COL9A1: variants seen among roughly 807,000 people sequenced by gnomAD.
The protein encoded by COL9A1 is collagen type IX alpha 1 chain.
In COL9A1, 104 loss-of-function variants were observed where a neutral mutation model predicts 142.6. That is an observed-to-expected ratio of 0.73 (90% CI 0.62 to 0.86). The LOEUF (loss-of-function observed/expected upper bound fraction) is 0.86, where lower values mean the gene tolerates loss of function less well. COL9A1 is among the 40% of genes least tolerant of loss of function. The pLI, the probability that COL9A1 is intolerant of heterozygous loss-of-function variation, is 0.00. For synonymous variants in COL9A1, 466 were observed against 396.0 expected, an observed-to-expected ratio of 1.18 and a Z score of -2.10; for missense variants, 1,210 against 1,176.6, an observed-to-expected ratio of 1.03 and a Z score of -0.42.
chr6:70,260,841 T>C (rs1019167214), intron 19 of COL9A1, 131 bp from the exon 20 acceptor site: 1 of 749,546 alleles, frequency 1.3e-6, no homozygotes, highest in African/African-American at 1.8e-5. Flanking sequence ...AGTAACTATA[T>C]ATATATAGAC....
chr6:70,300,340 T>C lies in COL9A1; in HGVS notation c.135A>G (p.Pro45=), dbSNP rs750588718. ...AGTCATCTTGGCCAATCCTGATCTTTGGACAGAGTTCATTTCCACCATTAG... is the reference window on the plus strand; with the variant it reads ...AGTCATCTTGGCCAATCCTGATCTTCGGACAGAGTTCATTTCCACCATTAG... The part of the protein sequence containing the change: ...SNSNGGNELC[P]KIRIGQDDLP... Residue 45 remains proline, a synonymous_variant, in exon 3 of 38, where the codon CCA becomes CCG. Coordinates refer to ENST00000357250, the MANE Select transcript of COL9A1 (RefSeq NM_001851.6). 3 of 1,613,828 alleles carry C rather than the reference T, an allele frequency of 1.9e-6. No individual in the cohort carries two copies. The Admixed American group carries it at 5.0e-5, about 27-fold the overall frequency.
At chr6:70,269,031 A>G (rs1251995154) in intron 16 of COL9A1, among the ~76,000 whole-genome samples, 171 bp from the exon 17 acceptor site, 2 of 152,190 alleles carry the variant, frequency 1.3e-5, no homozygotes, top group African/African-American at 4.8e-5. Flanking sequence ...TTATTATTTC[A>G]CATTTAAAGC....
rs1010786788 is a variant in COL9A1 at position 70,274,971 on chromosome 6, T to C, written c.976-199A>G. On this transcript the variant is annotated intron_variant, in intron 10 of 37. Transcript: ENST00000357250. ...AAGATCTGCCTGTTGTGATTATTTC[T>C]TCTTGATAAGTTGTATCATACTCCT... The C allele has an allele frequency of 3.1e-5, 18 of 582,260 alleles. No homozygotes were observed. In the South Asian group the frequency reaches 3.3e-4, roughly 11 times the overall value. The allele number at this position is 582,260 out of a possible 1,614,324, so 36.1% of individuals were successfully genotyped here. A position where few individuals can be genotyped will look rare whatever the true frequency, so the allele number is the denominator to read the frequency against.
Position 70,217,034 on chromosome 6 carries a change from G to A in COL9A1, c.2629C>T (p.Arg877Ter), listed in dbSNP as rs758388716. The A allele has an allele frequency of 1.9e-6, 3 of 1,613,998 alleles. No individual in the cohort carries two copies. The highest frequency in any genetic ancestry group is 2.5e-6 in the Non-Finnish European group (3 of 1,180,020). ...SYGRNGRDGE[R>*]GPPGVAGIPG... ...ATTCCTGCCACCCCTGGGGGGCCTC[G>A]CTCACCGTCTCGGCCATTTCTGCCA... The change falls in exon 38 of 38, where the codon CGA becomes TGA. Residue 877 changes from arginine to a stop codon, truncating the protein, a stop_gained. Transcript: ENST00000357250. LOFTEE classifies it high-confidence loss of function.
intron 20 of COL9A1, among the ~76,000 whole-genome samples, chr6:70,257,552 A>T (rs2127578876): frequency 6.6e-6 from 1 of 152,304 alleles, no homozygotes; most frequent in South Asian, 2.1e-4. Flanking sequence ...AGTTCCAGAC[A>T]GCCTGGCCAA....
rs1773110003 is a variant in COL9A1 at position 70,280,853 on chromosome 6, T to C, written c.934A>G (p.Lys312Glu). 1.9e-6 allele frequency: 3 copies of C among 1,613,492 alleles called. No individual in the cohort carries two copies. The East Asian group carries it at 6.7e-5, about 36-fold the overall frequency. Residue 312 changes from lysine to glutamate, a missense_variant, in exon 10 of 38, where the codon AAG (lysine) becomes GAG (glutamate). Physicochemically the swap from Lys to Glu is moderately conservative, Grantham distance 56. Transcript: ENST00000357250. The part of the protein sequence containing the change: ...GPPGPAGEPG[K>E]PGAPGKPGTP... ...CCAGGCTTGCCTGGAGCTCCTGGCT[T>C]TCCCGGTTCACCTGCAGGACCCTGA...
chr6:70,276,633 T>A (rs1258968776), intron 10 of COL9A1, among the ~76,000 whole-genome samples: 1 of 152,178 alleles, frequency 6.6e-6, no homozygotes, highest in Non-Finnish European at 1.5e-5. Flanking sequence ...ATGAAATAAC[T>A]ATGCAGAAAA....
At chr6:70,283,235 G>T in intron 6 of COL9A1, 1 of 1,452,662 alleles carries the variant, frequency 6.9e-7, no homozygotes, top group Non-Finnish European at 9.0e-7. Context: ...AATGGCCCCG[G>T]AGAGGGTCCT....
chr6:70,222,197 AG>A (rs1402849331), intron 37 of COL9A1, among the ~76,000 whole-genome samples: 1 of 152,224 alleles, frequency 6.6e-6, no homozygotes, highest in East Asian at 1.9e-4. Context: ...CAATAATAAC[AG>A]TTAAATTTCA....
rs901341298 is a variant in COL9A1 at position 70,288,725 on chromosome 6, G to C, written c.697-4905C>G. On this transcript the variant is annotated intron_variant, in intron 5 of 37. Transcript: ENST00000357250. ...GGAATCCTCCTCCCCCAGATATCCA[G>C]ATGCTAATTCTCTCAACTTCTTCAG... 3.9e-5 allele frequency among the ~76,000 whole-genome samples: 6 copies of C among 152,064 alleles called. No individual in the cohort carries two copies. In the East Asian group the frequency reaches 1.2e-3, roughly 29 times the overall value.
At chr6:70,272,976 C>T (rs1363072401) in intron 12 of COL9A1, among the ~76,000 whole-genome samples, 2 of 152,086 alleles carry the variant, frequency 1.3e-5, no homozygotes, top group Non-Finnish European at 2.9e-5. Flanking sequence ...TTTTTATTCA[C>T]AGCTGTCTGT....
Position 70,271,651 on chromosome 6 carries a change from T to G in COL9A1, c.1143+4A>C. On this transcript the variant is annotated splice_donor_region_variant and intron_variant, in intron 14 of 37. Transcript: ENST00000357250. ...CGTCTATCAAAGTGCACTGTGGTAC[T>G]CACAACAGGTCCTACACGGCCAAGC... 1 of 1,613,192 alleles carries G rather than the reference T, an allele frequency of 6.2e-7. No individual in the cohort carries two copies. The highest frequency in any genetic ancestry group is 1.1e-5 in the South Asian group (1 of 91,064).
At chr6:70,282,332 C>T (rs1562325215) in intron 7 of COL9A1, among the ~76,000 whole-genome samples, 1 of 152,176 alleles carries the variant, frequency 6.6e-6, no homozygotes. Context: ...CTCAGCTGGG[C>T]TTATGCGCCC....
intron 4 of COL9A1, among the ~76,000 whole-genome samples, chr6:70,298,243 C>T (rs657815): frequency 0.61 from 92,426 of 152,048 alleles, 28,176 homozygotes; most frequent in Middle Eastern, 0.67. Flanking sequence ...CCAGTGTGGA[C>T]TGGGCTCTTG....
chr6:70,237,029 G>T (rs140135844), intron 33 of COL9A1, among the ~76,000 whole-genome samples: 1,707 of 152,202 alleles, frequency 0.011, 18 homozygotes, highest in East Asian at 0.039. Context: ...CTCCATGTTG[G>T]TCAGGCTGGT....
chr6:70,290,733 A>G (rs887581488), intron 5 of COL9A1, among the ~76,000 whole-genome samples: 1 of 152,112 alleles, frequency 6.6e-6, no homozygotes. Flanking sequence ...TCCCTTTAGA[A>G]GGGATATTTT....
rs759215340 is a variant in COL9A1, at chr6:70,283,710, G to A, written c.780+27C>T. 86 of 1,574,688 alleles carry A rather than the reference G, an allele frequency of 5.5e-5. No individual in the cohort carries two copies. In the Admixed American group the frequency reaches 1.5e-3, roughly 27 times the overall value. On this transcript the variant is annotated intron_variant, in intron 6 of 37. Transcript: ENST00000357250. ...GAGAGGGTTGAGCTGGGTAGAAGTG[G>A]CCTTTGCAGGTAGTCAGGGGACTCA...
intron 4 of COL9A1, among the ~76,000 whole-genome samples, chr6:70,297,301 CTCTT>C (rs1379576520): frequency 6.6e-6 from 1 of 152,060 alleles, no homozygotes; most frequent in Non-Finnish European, 1.5e-5. Context: ...TGGTAGCTGT[CTCTT>C]TCTCTCCGTA....
chr6:70,274,414 C>T (rs1247040733), intron 11 of COL9A1, among the ~76,000 whole-genome samples: 1 of 152,004 alleles, frequency 6.6e-6, no homozygotes, highest in African/African-American at 2.4e-5. Flanking sequence ...TTCATGTGTC[C>T]ATGTGTTCTT....
Sources: gnomAD v4.1 joint callset for allele counts (sites outside exome capture counted in the v4.1 genomes callset) on GRCh38, gnomAD v4.1.1 for gene constraint, MANE v1.5 for transcripts, NCBI Gene and HGNC (gene_info 2026-07-23, HGNC 2026-07-21) for gene names.